The following PALM2AKAP2 variants were observed in gnomAD, a reference collection of about 807,000 sequenced individuals.
The protein encoded by PALM2AKAP2 is PALM2 and AKAP2 fusion.
PALM2AKAP2 carries 37 observed loss-of-function variants against 71.5 expected under a neutral mutation model. The observed-to-expected ratio is 0.52, with a 90% confidence interval of 0.40 to 0.68. The LOEUF is 0.68. PALM2AKAP2 is among the 30% of genes least tolerant of loss of function. PALM2AKAP2 has a pLI of 0.00. For missense variants in PALM2AKAP2, 1,224 were observed against 1,191.8 expected (o/e 1.03, Z -0.40); for synonymous variants, 468 against 478.8 (o/e 0.98, Z 0.29).
intron 1 of PALM2AKAP2, among the ~76,000 whole-genome samples, chr9:109,647,843 C>G (rs974055500): frequency 2.6e-5 from 4 of 152,146 alleles, no homozygotes; most frequent in African/African-American, 9.7e-5. Context: ...TACAGTTCAT[C>G]AAATTTAGAC....
At chr9:110,080,906 C>T (rs1302300514) in intron 1 of PALM2AKAP2, among the ~76,000 whole-genome samples, 1 of 152,158 alleles carries the variant, frequency 6.6e-6, no homozygotes, top group East Asian at 1.9e-4. Flanking sequence ...TCTCAAACTC[C>T]CAACCTCAGG....
rs537253997 is a variant in PALM2AKAP2 at position 110,124,441 on chromosome 9, C to T, written c.157-11686C>T. On this transcript the variant is annotated intron_variant, in intron 1 of 3. Transcript: ENST00000374525. ...AAAGTGAGTACTTCATGGTACTGAA[C>T]TGACCTGGAATTCTGACTGACTTTC... Among the ~76,000 whole-genome samples, 72 of 152,346 alleles carry T rather than the reference C, an allele frequency of 4.7e-4. 2 individuals carry two copies. In the South Asian group the frequency reaches 6.8e-3, roughly 14 times the overall value.
intron 7 of PALM2AKAP2, among the ~76,000 whole-genome samples, chr9:110,027,544 T>G (rs535222481): frequency 6.6e-6 from 1 of 152,392 alleles, no homozygotes; most frequent in African/African-American, 2.4e-5. Flanking sequence ...TTCTCATTTA[T>G]GCTTGAACAA....
intron 3 of PALM2AKAP2, among the ~76,000 whole-genome samples, chr9:110,160,204 G>A (rs1209415499): frequency 2.0e-5 from 3 of 152,216 alleles, no homozygotes; most frequent in Non-Finnish European, 2.9e-5. Flanking sequence ...CATTTGGGGG[G>A]TAGAGTAGGG....
chr9:109,989,674 A>C (rs1832440993), intron 6 of PALM2AKAP2, among the ~76,000 whole-genome samples: 1 of 152,230 alleles, frequency 6.6e-6, no homozygotes, highest in Non-Finnish European at 1.5e-5. Flanking sequence ...ATGGTGAAGG[A>C]TAGAGCAAGC....
At chr9:110,145,491 T>C (rs1452340527) in intron 2 of PALM2AKAP2, among the ~76,000 whole-genome samples, 1 of 152,180 alleles carries the variant, frequency 6.6e-6, no homozygotes, top group East Asian at 1.9e-4. Flanking sequence ...AATTTGAGGA[T>C]GAGCAGGGAT....
chr9:110,042,676 G>A (rs1018091457), intron 7 of PALM2AKAP2, among the ~76,000 whole-genome samples: 1 of 152,170 alleles, frequency 6.6e-6, no homozygotes, highest in Admixed American at 6.6e-5. Context: ...GAGGTTGTCT[G>A]ATGCTCACCC....
intron 1 of PALM2AKAP2, among the ~76,000 whole-genome samples, chr9:109,702,296 GT>G (rs1828073357): frequency 6.6e-6 from 1 of 152,144 alleles, no homozygotes; most frequent in South Asian, 2.1e-4. Context: ...GCACACGTAT[GT>G]TTTATTGTGG....
chr9:109,653,661 T>TG (rs1827256220), intron 1 of PALM2AKAP2, among the ~76,000 whole-genome samples: 1 of 152,206 alleles, frequency 6.6e-6, no homozygotes, highest in African/African-American at 2.4e-5. Context: ...GGGGTGTAGT[T>TG]GGGGGGTTCC....
chr9:109,825,908 T>C (rs1262161345), intron 1 of PALM2AKAP2, among the ~76,000 whole-genome samples: 1 of 152,180 alleles, frequency 6.6e-6, no homozygotes, highest in African/African-American at 2.4e-5. Flanking sequence ...TAAAGACACA[T>C]GCACACGTAT....
intron 1 of PALM2AKAP2, among the ~76,000 whole-genome samples, chr9:109,792,289 C>G (rs1484990632): frequency 3.3e-5 from 5 of 152,166 alleles, no homozygotes; most frequent in Admixed American, 1.3e-4. Flanking sequence ...GAAAAATAGA[C>G]TTATTAAATT....
chr9:109,834,380 T>C (rs1490867595), intron 1 of PALM2AKAP2, among the ~76,000 whole-genome samples: 2 of 152,234 alleles, frequency 1.3e-5, no homozygotes, highest in Non-Finnish European at 2.9e-5. Context: ...TTACCCTTAC[T>C]TTTTTTCTAT....
At chr9:110,092,294 C>T (rs1431474431) in intron 1 of PALM2AKAP2, among the ~76,000 whole-genome samples, 5 of 151,934 alleles carry the variant, frequency 3.3e-5, no homozygotes, top group South Asian at 2.1e-4. Context: ...ATTGTGCCAC[C>T]GCATTCCAGT....
intron 1 of PALM2AKAP2, among the ~76,000 whole-genome samples, chr9:109,765,747 T>C (rs760872486): frequency 6.6e-6 from 1 of 152,212 alleles, no homozygotes; most frequent in Non-Finnish European, 1.5e-5. Flanking sequence ...AAATGCAGAT[T>C]CTGATTCAGA....
intron 6 of PALM2AKAP2, among the ~76,000 whole-genome samples, chr9:109,965,135 C>T (rs62580183): frequency 0.12 from 18,129 of 152,178 alleles, 1,413 homozygotes; most frequent in African/African-American, 0.21. Context: ...AGACACATGG[C>T]CCTGGAAAAG....
chr9:109,717,266 C>G (rs775115569), intron 1 of PALM2AKAP2, among the ~76,000 whole-genome samples: 8 of 152,148 alleles, frequency 5.3e-5, no homozygotes, highest in African/African-American at 1.9e-4. Flanking sequence ...TCTAGGGAAG[C>G]CTGTTTAATT....
intron 1 of PALM2AKAP2, among the ~76,000 whole-genome samples, chr9:109,686,338 T>C (rs1827805055): frequency 6.6e-6 from 1 of 152,358 alleles, no homozygotes; most frequent in East Asian, 1.9e-4. Flanking sequence ...TATAGCCTTA[T>C]AAAACGTATT....
chr9:110,136,369 C>A (rs781534658), exon 2 of PALM2AKAP2: 2 of 1,614,180 alleles, frequency 1.2e-6, no homozygotes, highest in Non-Finnish European at 8.5e-7. Context: ...ACCACGAATC[C>A]CTGGATAATG....
chr9:110,094,199 C>T (rs1367556020), intron 1 of PALM2AKAP2, among the ~76,000 whole-genome samples: 1 of 152,174 alleles, frequency 6.6e-6, no homozygotes, highest in African/African-American at 2.4e-5. Flanking sequence ...AGGCTGAGGC[C>T]CATGTGTGTG....
Sources: allele counts gnomAD v4.1 joint callset (sites outside exome capture counted in the v4.1 genomes callset), GRCh38; gene constraint gnomAD v4.1.1; transcripts MANE v1.5; gene names NCBI Gene and HGNC (gene_info 2026-07-23, HGNC 2026-07-21).